The following MEIS2 variants were observed in gnomAD, a reference collection of about 807,000 sequenced individuals.
MEIS2 encodes Meis homeobox 2.
A neutral mutation model predicts 58.6 loss-of-function variants in MEIS2; 9 were observed. The ratio of observed to expected loss-of-function variants is 0.15; its 90% confidence interval spans 0.09 to 0.27. MEIS2 has a LOEUF of 0.27. Ranked by LOEUF, MEIS2 falls within the 10% of genes least tolerant of loss-of-function variation. The probability of loss-of-function intolerance (pLI) is 1.00; values close to 1 mark genes in which losing one functional copy is unlikely to be tolerated. For synonymous variants in MEIS2, 221 were observed against 228.4 expected (o/e 0.97, Z 0.29); for missense variants, 427 against 635.0 (o/e 0.67, Z 3.52).
intron 9 of MEIS2, chr15:36,898,056 G>C (rs2056276963): frequency 6.6e-6 from 1 of 152,176 alleles, no homozygotes; most frequent in African/African-American, 2.4e-5. Flanking sequence ...TTTGCATATG[G>C]TGTTTGTTTG....
Position 36,895,178 on chromosome 15 carries a change from G to C in MEIS2, c.1120C>G (p.Gln374Glu). 1 of 1,614,058 alleles carries C rather than the reference G, an allele frequency of 6.2e-7. No homozygotes were observed. The highest frequency in any genetic ancestry group is 8.5e-7 in the Non-Finnish European group (1 of 1,180,014). ...QPMGSFVLDG[Q>E]QHMGIRPAGL... ...GCAGGCCGGATCCCCATGTGTTGCTGACCATCCAACACAAAGCTCCCCATG... is the reference window on the plus strand; with the variant it reads ...GCAGGCCGGATCCCCATGTGTTGCTCACCATCCAACACAAAGCTCCCCATG... Residue 374 changes from glutamine (Q) to glutamate (E), a missense_variant, in exon 11 of 12, where the codon CAG becomes GAG. This residue lies in a region of MEIS2 where 154 missense variants were observed against 148.1 expected (regional missense o/e 1.04). Coordinates refer to ENST00000561208, the MANE Select transcript of MEIS2 (RefSeq NM_170675.5).
chr15:36,936,564 A>G (rs1310016601), intron 9 of MEIS2, among the ~76,000 whole-genome samples: 1 of 152,222 alleles, frequency 6.6e-6, no homozygotes, highest in Non-Finnish European at 1.5e-5. Flanking sequence ...GTTTTGGTAG[A>G]GGAATGTGTT....
intron 8 of MEIS2, among the ~76,000 whole-genome samples, chr15:37,022,067 C>A (rs1310542028): frequency 6.6e-6 from 1 of 151,920 alleles, no homozygotes; most frequent in East Asian, 1.9e-4. Context: ...TATCTTTATA[C>A]ATAATTTTGC....
intron 9 of MEIS2, among the ~76,000 whole-genome samples, chr15:36,932,726 T>A (rs2058028774): frequency 6.6e-6 from 1 of 152,130 alleles, no homozygotes; most frequent in Non-Finnish European, 1.5e-5. Context: ...CCTCTGGGGA[T>A]ATGTGGGTTT....
At chr15:36,970,030 C>G (rs1350380079) in intron 8 of MEIS2, among the ~76,000 whole-genome samples, 1 of 152,062 alleles carries the variant, frequency 6.6e-6, no homozygotes, top group Admixed American at 6.5e-5. Context: ...CTGTAAATAA[C>G]CTAGCTATAT....
intron 9 of MEIS2, among the ~76,000 whole-genome samples, chr15:36,904,455 G>T (rs1213730406): frequency 1.3e-5 from 2 of 152,084 alleles, no homozygotes; most frequent in African/African-American, 4.8e-5. Context: ...CTACAAGGAA[G>T]CTCGCATGAA....
rs1164360930 is a variant in MEIS2 at position 36,894,939 on chromosome 15, G to C, written c.1147+212C>G. On this transcript the variant is annotated intron_variant, in intron 11 of 11. Coordinates refer to ENST00000561208, the MANE Select transcript of MEIS2 (RefSeq NM_170675.5). ...TTTAAAAAGAAAAAAGAAAAAGGAT[G>C]TGTATGGGGCAGAGTATAATGGTAC... 13 of 960,682 alleles carry C rather than the reference G, an allele frequency of 1.4e-5. No homozygotes were observed. The Admixed American group carries it at 1.6e-4, about 12-fold the overall frequency. 59.5% of individuals were successfully genotyped at this position (960,682 alleles called of 1,614,324 possible). A position where few individuals can be genotyped will look rare whatever the true frequency, so the allele number is the denominator to read the frequency against.
intron 7 of MEIS2, among the ~76,000 whole-genome samples, chr15:37,043,731 G>A (rs12908580): frequency 0.97 from 141,694 of 146,410 alleles, 68,720 homozygotes; most frequent in Middle Eastern, 1. Flanking sequence ...CTCTGTTGCC[G>A]GGCTGGAGTG....
At chr15:37,003,198 C>T (rs11073219) in intron 8 of MEIS2, among the ~76,000 whole-genome samples, 137,457 of 152,152 alleles carry the variant, frequency 0.9, 63,782 homozygotes, top group East Asian at 1. Context: ...AATGGACCTG[C>T]ACATTCTGAT....
At chr15:37,061,798 T>C (rs892492189) in intron 7 of MEIS2, among the ~76,000 whole-genome samples, 2 of 152,200 alleles carry the variant, frequency 1.3e-5, no homozygotes, top group African/African-American at 4.8e-5. Context: ...TTCAGAAGTA[T>C]AGCATTTCCT....
intron 1 of MEIS2, 120 bp downstream of exon 1, chr15:37,099,335 C>G (rs892892016): frequency 3.8e-6 from 6 of 1,563,036 alleles, no homozygotes; most frequent in South Asian, 3.6e-5. Flanking sequence ...TTTTAAAATA[C>G]TGGCCGCCAT....
intron 8 of MEIS2, among the ~76,000 whole-genome samples, chr15:36,991,826 C>G (rs1209094825): frequency 9.3e-6 from 1 of 107,440 alleles, no homozygotes; most frequent in African/African-American, 3.7e-5. Context: ...CTCGCTCTGT[C>G]GCCCAGGCTG....
chr15:36,910,772 C>A (rs574983405), intron 9 of MEIS2, among the ~76,000 whole-genome samples: 2 of 152,092 alleles, frequency 1.3e-5, no homozygotes, highest in African/African-American at 4.8e-5. Flanking sequence ...TCTTGCTGGG[C>A]GCAGTGGCTC....
Position 36,891,006 on chromosome 15 carries a change from A to G in MEIS2, c.*1167T>C, listed in dbSNP as rs759499886. ...TGTGCAGTCTTGTCCTAAAACCATT[A>G]AAAACGCAAAAGCCTAACAAAAAAT... On this transcript the variant is annotated 3_prime_UTR_variant, in exon 12 of 12. Coordinates refer to ENST00000561208, the MANE Select transcript of MEIS2 (RefSeq NM_170675.5). 4.6e-5 allele frequency: 7 copies of G among 152,620 alleles called. No homozygotes were observed. The highest frequency in any genetic ancestry group is 1.0e-4 in the Non-Finnish European group (7 of 68,032). The allele number at this position is 152,620 out of a possible 1,614,324, so 9.5% of individuals were successfully genotyped here.
At chr15:37,000,634 C>T (rs533379812) in intron 8 of MEIS2, among the ~76,000 whole-genome samples, 5 of 152,220 alleles carry the variant, frequency 3.3e-5, no homozygotes, top group East Asian at 1.9e-4. Flanking sequence ...CATTCTTCCA[C>T]GTTGCCAAGG....
rs991314553 is a variant in MEIS2, at chr15:36,889,408, T to C, written c.*2765A>G. On this transcript the variant is annotated 3_prime_UTR_variant, in exon 12 of 12. Transcript: ENST00000561208. ...TGGTGTAAAAAAAGCATTATAAAAA[T>C]TGGACAAATCTATCACTTCTCTGTG... is the stretch of plus-strand genomic sequence containing the variant. 7 of 152,044 alleles carry C rather than the reference T, an allele frequency of 4.6e-5. No individual in the cohort carries two copies. Among genetic ancestry groups the C allele is most frequent in the Non-Finnish European group, 1.0e-4 (7 of 68,014 alleles). 9.4% of individuals were successfully genotyped at this position (152,044 alleles called of 1,614,324 possible).
At position 36,956,883 on chromosome 15, in the gene MEIS2, T is replaced by C. The variant is rs540872817; in HGVS notation, c.901-6483A>G. On this transcript the variant is annotated intron_variant, in intron 8 of 11. Coordinates refer to ENST00000561208, the MANE Select transcript of MEIS2 (RefSeq NM_170675.5). ...CCTTTTCCCCTCCAGCTAGAAATGA[T>C]TGTTAAAAAAAAAAAAAAAAAAAAA... Among the ~76,000 whole-genome samples the C allele has an allele frequency of 6.7e-5, 6 of 89,858 alleles. No homozygotes were observed. The East Asian group carries it at 2.2e-3, about 33-fold the overall frequency. 59.0% of individuals were successfully genotyped at this position (89,858 alleles called of 152,430 possible). A position where few individuals can be genotyped will look rare whatever the true frequency, so the allele number is the denominator to read the frequency against.
intron 6 of MEIS2, among the ~76,000 whole-genome samples, chr15:37,084,930 C>T (rs191648611): frequency 5.9e-5 from 9 of 152,230 alleles, no homozygotes; most frequent in Admixed American, 3.3e-4. Context: ...CTGCATATGA[C>T]GACTTCAATT....
At position 36,889,252 on chromosome 15, in the gene MEIS2, C is replaced by T. The variant is rs1337826407; in HGVS notation, c.*2921G>A. The T allele has an allele frequency of 2.0e-5, 3 of 152,118 alleles. No homozygotes were observed. The highest frequency in any genetic ancestry group is 4.1e-4 in the South Asian group (2 of 4,820). The allele number at this position is 152,118 out of a possible 1,614,324, so 9.4% of individuals were successfully genotyped here. ...ATTCAGACTACAGTATTTCCTTTAA[C>T]ACTATATGGTTGTCAAAACACCATT... On this transcript the variant is annotated 3_prime_UTR_variant, in exon 12 of 12. Coordinates refer to ENST00000561208, the MANE Select transcript of MEIS2 (RefSeq NM_170675.5).
Sources: allele counts gnomAD v4.1 joint callset (sites outside exome capture counted in the v4.1 genomes callset), GRCh38; gene constraint gnomAD v4.1.1; regional missense constraint gnomAD v4.1.1; transcripts MANE v1.5; gene names NCBI Gene and HGNC (gene_info 2026-07-23, HGNC 2026-07-21).